RPS6KC1: variants seen among roughly 807,000 people sequenced by gnomAD.
The protein encoded by RPS6KC1 is inactive ribosomal protein S6 kinase delta-1.
RPS6KC1 carries 54 observed loss-of-function variants against 103.8 expected under a neutral mutation model. The observed-to-expected ratio is 0.52, with a 90% CI of 0.42 to 0.65. The LOEUF is 0.65. RPS6KC1 is among the 30% of genes least tolerant of loss of function. The pLI is 0.00. For missense variants in RPS6KC1, 1,151 were observed against 1,253.8 expected, an observed-to-expected ratio of 0.92 and a Z score of 1.24; for synonymous variants, 439 against 438.7, an observed-to-expected ratio of 1.00 and a Z score of -0.01.
chr1:213,837,497 T>G, the RPS6KC1 span, among the ~76,000 whole-genome samples: 1 of 152,240 alleles, frequency 6.6e-6, no homozygotes. Context: ...CACTCATTCA[T>G]GCTCTCCACT....
the RPS6KC1 span, among the ~76,000 whole-genome samples, chr1:213,594,702 G>A: frequency 0.027 from 4,024 of 151,580 alleles, 99 homozygotes; most frequent in African/African-American, 0.061. Flanking sequence ...AGTCCTCTAC[G>A]TATCTACACA....
intron 6 of RPS6KC1, among the ~76,000 whole-genome samples, chr1:213,143,597 C>T (rs981936968): frequency 2.6e-5 from 4 of 151,744 alleles, no homozygotes; most frequent in Non-Finnish European, 5.9e-5. Context: ...ATTTGTTTAG[C>T]TACCTCCTAT....
At chr1:213,199,199 A>G (rs958400781) in intron 8 of RPS6KC1, among the ~76,000 whole-genome samples, 1 of 152,154 alleles carries the variant, frequency 6.6e-6, no homozygotes, top group Non-Finnish European at 1.5e-5. Context: ...AAAAAGGAAA[A>G]CTTCAGGCCA....
At chr1:213,444,672 A>G in the RPS6KC1 span, among the ~76,000 whole-genome samples, 1 of 141,756 alleles carries the variant, frequency 7.1e-6, no homozygotes, top group East Asian at 2.1e-4. Flanking sequence ...CAGGAGAATC[A>G]CCTGAACCTG....
At chr1:213,444,595 T>C in the RPS6KC1 span, among the ~76,000 whole-genome samples, 2 of 151,808 alleles carry the variant, frequency 1.3e-5, no homozygotes, top group Non-Finnish European at 2.9e-5. Flanking sequence ...CTGTCTCTAC[T>C]AAAAATACAA....
At chr1:213,608,926 A>C in the RPS6KC1 span, among the ~76,000 whole-genome samples, 1 of 152,212 alleles carries the variant, frequency 6.6e-6, no homozygotes, top group Admixed American at 6.5e-5. Flanking sequence ...TTTAGCATTT[A>C]GGCTATTTTC....
At chr1:213,616,205 C>T in the RPS6KC1 span, among the ~76,000 whole-genome samples, 1 of 152,218 alleles carries the variant, frequency 6.6e-6, no homozygotes, top group Non-Finnish European at 1.5e-5. Flanking sequence ...GTGCACAGTA[C>T]ATGAGAGAAT....
the RPS6KC1 span, among the ~76,000 whole-genome samples, chr1:213,359,603 T>C: frequency 6.2e-4 from 94 of 152,278 alleles, no homozygotes; most frequent in African/African-American, 2.0e-3. Flanking sequence ...GTCATTATGA[T>C]GTTAGCTGGT....
At chr1:213,508,249 A>G in the RPS6KC1 span, among the ~76,000 whole-genome samples, 1 of 152,244 alleles carries the variant, frequency 6.6e-6, no homozygotes, top group Non-Finnish European at 1.5e-5. Context: ...TGAGAGATAC[A>G]GTGTGCATTG....
At chr1:213,270,092 A>G (rs1025470927) in intron 14 of RPS6KC1, among the ~76,000 whole-genome samples, 5 of 152,166 alleles carry the variant, frequency 3.3e-5, no homozygotes, top group Admixed American at 1.3e-4. Flanking sequence ...AAGGAGCTAT[A>G]ATGTCCAAAA....
the RPS6KC1 span, among the ~76,000 whole-genome samples, chr1:213,380,380 G>A: frequency 1.3e-5 from 2 of 152,044 alleles, no homozygotes; most frequent in Non-Finnish European, 2.9e-5. Context: ...ATGGATACTA[G>A]GCTTAATACC....
At chr1:213,558,562 G>C in the RPS6KC1 span, among the ~76,000 whole-genome samples, 1 of 152,186 alleles carries the variant, frequency 6.6e-6, no homozygotes, top group African/African-American at 2.4e-5. Flanking sequence ...AGCCCTTTGA[G>C]TCTTCTACGT....
At chr1:213,781,798 C>T in the RPS6KC1 span, among the ~76,000 whole-genome samples, 79 of 151,968 alleles carry the variant, frequency 5.2e-4, 1 homozygote, top group Non-Finnish European at 7.5e-4. Context: ...AAGTAAAGGA[C>T]AATTTGGCAA....
chr1:213,332,104 T>C, the RPS6KC1 span, among the ~76,000 whole-genome samples: 1 of 151,766 alleles, frequency 6.6e-6, no homozygotes, highest in African/African-American at 2.4e-5. Context: ...CCAGGTTGGA[T>C]AATGGACCAT....
At position 213,272,988 on chromosome 1, in the gene RPS6KC1, C is replaced by A. The variant is rs2095078904; in HGVS notation, c.*354C>A. 5.7e-6 allele frequency: 1 copy of A among 175,842 alleles called. No homozygotes were observed. Among genetic ancestry groups the A allele is most frequent in the Non-Finnish European group, 1.2e-5 (1 of 81,206 alleles). 10.9% of individuals were successfully genotyped at this position (175,842 alleles called of 1,614,324 possible). A position where few individuals can be genotyped will look rare whatever the true frequency, so the allele number is the denominator to read the frequency against. On this transcript the variant is annotated 3_prime_UTR_variant, in exon 15 of 15. Transcript: ENST00000366960. ...AATGAAGTTTTACTTGACAGAAGGA[C>A]CTTTACATGGCAGCTAACAGTGCTT...
the RPS6KC1 span, among the ~76,000 whole-genome samples, chr1:213,757,000 C>G: frequency 1.2e-3 from 177 of 152,246 alleles, no homozygotes; most frequent in African/African-American, 4.0e-3. Context: ...GGACAACAAA[C>G]AGCATTCAAT....
At chr1:213,835,979 G>C in the RPS6KC1 span, 3 of 152,094 alleles carry the variant, frequency 2.0e-5, no homozygotes, top group African/African-American at 7.2e-5. Flanking sequence ...TTTGGAATTT[G>C]ATTGGGATTG....
chr1:213,549,612 C>CTTTTTTTTTTT, the RPS6KC1 span, among the ~76,000 whole-genome samples: 32 of 86,918 alleles, frequency 3.7e-4, no homozygotes, highest in East Asian at 2.4e-3. Flanking sequence ...TTTTCTTTTC[C>CTTTTTTTTTTT]TTTTTTTTTT....
the RPS6KC1 span, among the ~76,000 whole-genome samples, chr1:213,563,584 TTTAAGGTTTTTC>T: frequency 2.6e-5 from 4 of 152,164 alleles, no homozygotes; most frequent in Non-Finnish European, 5.9e-5. Context: ...TTCTACTGAT[TTTAAGGTTTTTC>T]ATTTTACCTC....
Sources: gnomAD v4.1 joint callset for allele counts (sites outside exome capture counted in the v4.1 genomes callset) on GRCh38, gnomAD v4.1.1 for gene constraint, MANE v1.5 for transcripts, NCBI Gene and HGNC (gene_info 2026-07-23, HGNC 2026-07-21) for gene names.